The following EPHA3 variants were observed in gnomAD, a reference collection of about 807,000 sequenced individuals.
EPHA3 encodes the protein ephrin type-A receptor 3.
EPHA3 carries 42 observed loss-of-function variants against 107.1 expected under a neutral mutation model. The observed-to-expected ratio is 0.39, with a 90% confidence interval of 0.31 to 0.51. The LOEUF (loss-of-function observed/expected upper bound fraction) is 0.51, where lower values mean the gene tolerates loss of function less well. EPHA3 is among the 20% of genes least tolerant of loss of function. The pLI is 0.78. For synonymous variants in EPHA3, 461 were observed against 424.8 expected, an observed-to-expected ratio of 1.09 and a Z score of -1.05; for missense variants, 1,183 against 1,211.2, an observed-to-expected ratio of 0.98 and a Z score of 0.35.
At chr3:89,108,193 G>T (rs1041423247) in intron 1 of EPHA3, among the ~76,000 whole-genome samples, 1 of 152,096 alleles carries the variant, frequency 6.6e-6, no homozygotes, top group African/African-American at 2.4e-5. Flanking sequence ...ATGACCATGT[G>T]GTACTCCGAG....
chr3:89,138,991 G>A (rs955124370), intron 2 of EPHA3, among the ~76,000 whole-genome samples: 3 of 151,720 alleles, frequency 2.0e-5, no homozygotes, highest in Admixed American at 1.3e-4. Context: ...AAGAGTGTGT[G>A]TTGGGGGACA....
intron 3 of EPHA3, among the ~76,000 whole-genome samples, chr3:89,248,936 G>A (rs1265476113): frequency 6.6e-6 from 1 of 152,186 alleles, no homozygotes; most frequent in African/African-American, 2.4e-5. Context: ...GTTCTTACAT[G>A]AAATTAAGTA....
At chr3:89,439,617 T>A (rs1481406705) in intron 13 of EPHA3, among the ~76,000 whole-genome samples, 1 of 152,092 alleles carries the variant, frequency 6.6e-6, no homozygotes, top group Non-Finnish European at 1.5e-5. Flanking sequence ...CTATAACTTT[T>A]AAAAATTAGA....
chr3:89,447,401 CTG>C (rs1340695520), intron 13 of EPHA3, among the ~76,000 whole-genome samples: 6 of 152,112 alleles, frequency 3.9e-5, no homozygotes, highest in Non-Finnish European at 7.3e-5. Context: ...TTCTTCATGA[CTG>C]TGTAAGCTCT....
At chr3:89,109,292 C>G (rs1233459769) in intron 1 of EPHA3, among the ~76,000 whole-genome samples, 1 of 152,040 alleles carries the variant, frequency 6.6e-6, no homozygotes, top group African/African-American at 2.4e-5. Context: ...AAGAGTCAAT[C>G]ATTCTTCCTG....
At chr3:89,247,950 GTTC>G (rs1431650306) in intron 3 of EPHA3, among the ~76,000 whole-genome samples, 2 of 152,068 alleles carry the variant, frequency 1.3e-5, no homozygotes, top group African/African-American at 4.8e-5. Context: ...CTTCCTTGAT[GTTC>G]TTTGTCTATT....
At chr3:89,222,148 C>T (rs1704393094) in intron 3 of EPHA3, among the ~76,000 whole-genome samples, 1 of 151,814 alleles carries the variant, frequency 6.6e-6, no homozygotes, top group Non-Finnish European at 1.5e-5. Flanking sequence ...GAGATGATGG[C>T]TAGTGGAGAA....
intron 3 of EPHA3, among the ~76,000 whole-genome samples, chr3:89,282,159 C>T (rs945184196): frequency 5.9e-5 from 9 of 152,092 alleles, no homozygotes; most frequent in Admixed American, 1.3e-4. Flanking sequence ...ACTATCTTGG[C>T]TTTTCTGACA....
At chr3:89,128,499 C>G (rs1421768203) in intron 2 of EPHA3, among the ~76,000 whole-genome samples, 1 of 152,042 alleles carries the variant, frequency 6.6e-6, no homozygotes, top group Non-Finnish European at 1.5e-5. Flanking sequence ...TGAAACTAAT[C>G]ATCTAAAAGT....
chr3:89,361,774 C>G lies in EPHA3; in HGVS notation c.1306+19684C>G, dbSNP rs370368336. Among the ~76,000 whole-genome samples, 5 of 151,154 alleles carry G rather than the reference C, an allele frequency of 3.3e-5. No homozygotes were observed. The East Asian group carries it at 9.7e-4, about 29-fold the overall frequency. On this transcript the variant is annotated intron_variant, in intron 5 of 16. Coordinates refer to ENST00000336596, the MANE Select transcript of EPHA3 (RefSeq NM_005233.6). ...CCTTAGCCTGGAGAGGTGATAATAA[C>G]TTGAGTTTCACAAAACCAACAGTGT...
intron 3 of EPHA3, among the ~76,000 whole-genome samples, chr3:89,271,322 T>C (rs1299388857): frequency 9.9e-5 from 15 of 151,976 alleles, no homozygotes; most frequent in Admixed American, 6.6e-5. Flanking sequence ...TTTGTTAAAA[T>C]GTGAAGAAAG....
At chr3:89,444,333 T>G (rs1196674724) in intron 13 of EPHA3, among the ~76,000 whole-genome samples, 1 of 152,172 alleles carries the variant, frequency 6.6e-6, no homozygotes, top group Non-Finnish European at 1.5e-5. Flanking sequence ...TATCTTTTCT[T>G]AAATTCCATA....
chr3:89,321,435 T>C (rs552330807), intron 3 of EPHA3, among the ~76,000 whole-genome samples: 1 of 152,134 alleles, frequency 6.6e-6, no homozygotes, highest in Non-Finnish European at 1.5e-5. Flanking sequence ...AAATAACTTC[T>C]GCTCTAAGAA....
intron 2 of EPHA3, among the ~76,000 whole-genome samples, chr3:89,178,797 T>C (rs1420899127): frequency 2.0e-5 from 3 of 151,910 alleles, no homozygotes; most frequent in African/African-American, 7.2e-5. Context: ...ATTTTATTTT[T>C]ATGGGTAAAA....
At chr3:89,265,859 T>C (rs1705527298) in intron 3 of EPHA3, among the ~76,000 whole-genome samples, 1 of 152,110 alleles carries the variant, frequency 6.6e-6, no homozygotes, top group African/African-American at 2.4e-5. Context: ...ATGTCAAGTT[T>C]CTCTGCCTTT....
intron 11 of EPHA3, among the ~76,000 whole-genome samples, chr3:89,427,897 CT>C (rs961878977): frequency 3.3e-5 from 5 of 151,678 alleles, no homozygotes; most frequent in East Asian, 1.9e-4. Context: ...TCAAAGCATC[CT>C]TTTTTTGGTA....
intron 5 of EPHA3, among the ~76,000 whole-genome samples, chr3:89,348,675 T>C (rs1456656208): frequency 2.2e-5 from 2 of 91,988 alleles, no homozygotes; most frequent in Non-Finnish European, 4.1e-5. Flanking sequence ...ATGTGTTTGC[T>C]CTTGCTTTTC....
intron 2 of EPHA3, among the ~76,000 whole-genome samples, chr3:89,153,794 T>A (rs550521813): frequency 6.6e-6 from 1 of 152,038 alleles, no homozygotes; most frequent in African/African-American, 2.4e-5. Context: ...TTGCTGATGA[T>A]CCTCTAAGGT....
chr3:89,203,274 T>C (rs1249955547), intron 2 of EPHA3, among the ~76,000 whole-genome samples: 2 of 148,714 alleles, frequency 1.3e-5, no homozygotes, highest in Admixed American at 1.3e-4. Context: ...TTTTTTTATC[T>C]GGGAAGCAGT....
Sources: gnomAD v4.1 joint callset for allele counts (sites outside exome capture counted in the v4.1 genomes callset) on GRCh38, gnomAD v4.1.1 for gene constraint, MANE v1.5 for transcripts, NCBI Gene and HGNC (gene_info 2026-07-23, HGNC 2026-07-21) for gene names.